Variants in PRKG1 observed in about 807,000 individuals in gnomAD.
The protein encoded by PRKG1 is cGMP-dependent protein kinase 1.
A neutral mutation model predicts 88.1 loss-of-function variants in PRKG1; 35 were observed. The ratio of observed to expected loss-of-function variants is 0.40; its 90% CI spans 0.30 to 0.53. The LOEUF (loss-of-function observed/expected upper bound fraction) is 0.53. Among genes scored for constraint, PRKG1 ranks in the 20% least tolerant of loss-of-function variants. The probability of loss-of-function intolerance (pLI) is 0.59; values close to 1 mark genes in which losing one functional copy is unlikely to be tolerated. For missense variants in PRKG1, 540 were observed against 839.8 expected (o/e 0.64, Z 4.41); for synonymous variants, 303 against 292.5 (o/e 1.04, Z -0.37).
intron 9 of PRKG1, among the ~76,000 whole-genome samples, chr10:52,241,132 T>A (rs957902397): frequency 1.3e-5 from 2 of 152,144 alleles, no homozygotes; most frequent in Admixed American, 6.5e-5. Context: ...CCCCAACTAC[T>A]GTTTGGGCAT....
intron 8 of PRKG1, among the ~76,000 whole-genome samples, chr10:52,144,337 C>T (rs1298195461): frequency 6.6e-6 from 1 of 152,110 alleles, no homozygotes; most frequent in Non-Finnish European, 1.5e-5. Flanking sequence ...CTAAAATAAT[C>T]TAGATTTATT....
intron 7 of PRKG1, among the ~76,000 whole-genome samples, chr10:52,114,425 C>T (rs1209822768): frequency 6.6e-6 from 1 of 151,950 alleles, no homozygotes; most frequent in Non-Finnish European, 1.5e-5. Context: ...CACATATGGT[C>T]TGTCACATAT....
At chr10:51,740,372 G>A (rs1251854331) in intron 3 of PRKG1, among the ~76,000 whole-genome samples, 1 of 151,914 alleles carries the variant, frequency 6.6e-6, no homozygotes, top group Non-Finnish European at 1.5e-5. Context: ...GCTATTATAG[G>A]GGAAGTTACA....
intron 12 of PRKG1, among the ~76,000 whole-genome samples, chr10:52,274,450 T>C (rs1319744335): frequency 6.6e-6 from 1 of 151,838 alleles, no homozygotes; most frequent in Admixed American, 6.6e-5. Context: ...CAAATGCTGT[T>C]AATTCATTCC....
chr10:51,988,615 T>G (rs916334264), intron 5 of PRKG1, among the ~76,000 whole-genome samples: 2 of 152,068 alleles, frequency 1.3e-5, no homozygotes, highest in African/African-American at 4.8e-5. Context: ...GGTAAACATT[T>G]TTCCATAAGT....
At chr10:52,026,640 A>T (rs905765383) in intron 5 of PRKG1, among the ~76,000 whole-genome samples, 1 of 152,162 alleles carries the variant, frequency 6.6e-6, no homozygotes, top group Admixed American at 6.5e-5. Flanking sequence ...GTGGTGATGG[A>T]TACACAACTC....
At chr10:51,847,813 G>T (rs1003107015) in intron 4 of PRKG1, among the ~76,000 whole-genome samples, 3 of 108,932 alleles carry the variant, frequency 2.8e-5, no homozygotes. Flanking sequence ...GCCAGCCTGG[G>T]CAACATAGAG....
chr10:52,012,722 TA>T (rs1274003416), intron 5 of PRKG1, among the ~76,000 whole-genome samples: 1 of 152,062 alleles, frequency 6.6e-6, no homozygotes, highest in Non-Finnish European at 1.5e-5. Context: ...AAATCCTAGA[TA>T]GAGAGATGAG....
chr10:52,067,771 G>T (rs188574428), intron 7 of PRKG1, among the ~76,000 whole-genome samples: 1 of 150,904 alleles, frequency 6.6e-6, no homozygotes, highest in Admixed American at 6.6e-5. Context: ...CCAAAGAGAG[G>T]GTAAAATGTT....
At chr10:51,934,630 T>C (rs925837296) in intron 5 of PRKG1, among the ~76,000 whole-genome samples, 63 of 152,268 alleles carry the variant, frequency 4.1e-4, no homozygotes, top group African/African-American at 1.5e-3. Context: ...TCTGTTTCTG[T>C]GATCACCATA....
At chr10:51,566,795 C>T (rs1837616822) in intron 3 of PRKG1, among the ~76,000 whole-genome samples, 1 of 151,964 alleles carries the variant, frequency 6.6e-6, no homozygotes, top group South Asian at 2.1e-4. Flanking sequence ...GAGAAGCAGT[C>T]ATTGTCCTGT....
rs529834018 is a variant in PRKG1, at chr10:51,524,811, C to T, written c.592+56975C>T. On this transcript the variant is annotated intron_variant, in intron 3 of 17. Coordinates refer to ENST00000373980, the MANE Select transcript of PRKG1 (RefSeq NM_006258.4). The stretch of plus-strand genomic sequence containing the variant: ...ATACTAACACTATGTTTTCTCTTAA[C>T]AGATTCCTACTTAAAATACTTTTTT... Among the ~76,000 whole-genome samples, 6 of 152,344 alleles carry T rather than the reference C, an allele frequency of 3.9e-5. No individual in the cohort carries two copies. The East Asian group carries it at 7.7e-4, about 20-fold the overall frequency.
chr10:52,224,207 G>T lies in PRKG1; in HGVS notation c.1077-27363G>T, dbSNP rs76972382. Among the ~76,000 whole-genome samples, 4,885 of 151,992 alleles carry T rather than the reference G, an allele frequency of 0.032. 489 individuals carry two copies. In the East Asian group the frequency reaches 0.36, roughly 11 times the overall value. On this transcript the variant is annotated intron_variant, in intron 9 of 17. Transcript: ENST00000373980. ...TTCCTCTTCTCCTCTGCCTTCAGAG[G>T]AGACTGTTCCAGCCACTATAACTGT...
At chr10:51,113,308 T>G (rs996826647) in intron 1 of PRKG1, among the ~76,000 whole-genome samples, 17 of 152,196 alleles carry the variant, frequency 1.1e-4, no homozygotes, top group African/African-American at 3.9e-4. Context: ...ATCATGCCAA[T>G]GCAGTTGCCA....
intron 3 of PRKG1, among the ~76,000 whole-genome samples, chr10:51,797,760 C>T (rs1839055634): frequency 6.6e-6 from 1 of 151,464 alleles, no homozygotes; most frequent in Non-Finnish European, 1.5e-5. Context: ...TTTCATCATC[C>T]TAAACTGAAA....
intron 9 of PRKG1, among the ~76,000 whole-genome samples, chr10:52,211,418 A>C (rs919319712): frequency 6.6e-6 from 1 of 152,200 alleles, no homozygotes; most frequent in African/African-American, 2.4e-5. Flanking sequence ...AATCCAATGA[A>C]CAAGGACAGC....
intron 3 of PRKG1, among the ~76,000 whole-genome samples, chr10:51,506,173 T>C (rs550091819): frequency 6.6e-6 from 1 of 152,306 alleles, no homozygotes; most frequent in African/African-American, 2.4e-5. Context: ...ATTAAAGACT[T>C]AAATGTTAGA....
intron 4 of PRKG1, among the ~76,000 whole-genome samples, chr10:51,860,231 C>T (rs1315486224): frequency 6.6e-6 from 1 of 152,118 alleles, no homozygotes; most frequent in Non-Finnish European, 1.5e-5. Context: ...GAAAAAACAA[C>T]CCTCAAAGTT....
intron 1 of PRKG1, among the ~76,000 whole-genome samples, chr10:50,995,469 T>C (rs761550543): frequency 2.0e-5 from 3 of 152,186 alleles, no homozygotes; most frequent in Non-Finnish European, 2.9e-5. Flanking sequence ...AAATGTCCAG[T>C]AGGGATCAAG....
Sources: allele counts gnomAD v4.1 joint callset (sites outside exome capture counted in the v4.1 genomes callset), GRCh38; gene constraint gnomAD v4.1.1; transcripts MANE v1.5; gene names NCBI Gene and HGNC (gene_info 2026-07-23, HGNC 2026-07-21).